The following AGBL1 variants were observed in gnomAD, a reference collection of about 807,000 sequenced individuals.
AGBL1 encodes cytosolic carboxypeptidase 4.
In AGBL1, 130 loss-of-function variants were observed where a neutral mutation model predicts 118.9. The ratio of observed to expected loss-of-function variants is 1.09; its 90% CI spans 0.95 to 1.26. AGBL1 has a LOEUF of 1.26. AGBL1 is among the 50% of genes most tolerant of loss of function. The pLI is 0.00. For missense variants in AGBL1, 1,584 were observed against 1,298.1 expected (o/e 1.22, Z -3.38); for synonymous variants, 555 against 478.9 (o/e 1.16, Z -2.08).
chr15:86,114,288 G>T (rs1386407063), intron 1 of AGBL1, among the ~76,000 whole-genome samples: 1 of 152,202 alleles, frequency 6.6e-6, no homozygotes, highest in Non-Finnish European at 1.5e-5. Flanking sequence ...TTGGACCCTT[G>T]GGGGAGGTGA....
intron 21 of AGBL1, among the ~76,000 whole-genome samples, chr15:86,556,466 C>G (rs1217958630): frequency 6.6e-6 from 1 of 152,216 alleles, no homozygotes; most frequent in Non-Finnish European, 1.5e-5. Context: ...TTTCCTCCTT[C>G]TCTTTGTTTT....
intron 1 of AGBL1, among the ~76,000 whole-genome samples, chr15:86,112,382 C>T (rs1897444890): frequency 6.6e-6 from 1 of 152,192 alleles, no homozygotes; most frequent in South Asian, 2.1e-4. Context: ...GCTACACATA[C>T]ATTTTTGTGT....
intron 18 of AGBL1, among the ~76,000 whole-genome samples, chr15:86,457,858 C>T (rs1472052231): frequency 2.0e-5 from 3 of 152,126 alleles, no homozygotes; most frequent in Admixed American, 6.5e-5. Context: ...CTCATAATTC[C>T]TCTAAGACCT....
chr15:86,245,013 A>T (rs1265942506), intron 6 of AGBL1, among the ~76,000 whole-genome samples: 1 of 152,298 alleles, frequency 6.6e-6, no homozygotes, highest in East Asian at 1.9e-4. Context: ...ACCCTCCACA[A>T]ATGTATCACC....
chr15:86,426,745 T>C (rs1423550008), intron 18 of AGBL1, among the ~76,000 whole-genome samples: 1 of 152,218 alleles, frequency 6.6e-6, no homozygotes, highest in Admixed American at 6.5e-5. Context: ...ATTTATTTTG[T>C]CCACTATGTT....
In AGBL1 at chr15:86,136,283, TA is replaced by T. The variant is rs549142327; in HGVS notation, c.52-5719del. On this transcript the variant is annotated intron_variant, in intron 1 of 22. Coordinates refer to ENST00000614907, the MANE Select transcript of AGBL1 (RefSeq NM_001386094.1). ...ACAATAGACAGTGAGAACAGAGATA[TA>T]AGAAAATAACCAGCATCAAGTAAGA... Among the ~76,000 whole-genome samples, 7 of 152,330 alleles carry T rather than the reference TA, an allele frequency of 4.6e-5. No homozygotes were observed. The East Asian group carries it at 1.3e-3, about 29-fold the overall frequency.
In AGBL1 at chr15:86,247,702, C is replaced by T. The variant is rs1283035468; in HGVS notation, c.558C>T (p.Gly186=). The change falls in exon 7 of 23, where the codon GGC becomes GGT. Residue 186 remains glycine, a synonymous_variant. Transcript: ENST00000614907. ...ACGGCCGCAGAGCAGTGAACCGAGG[C>T]TACGTCACCAGCCTGCTCGGGCTGC... ...KSNGRRAVNR[G]YVTSLLGLHQ... 1 of 1,611,910 alleles carries T rather than the reference C, an allele frequency of 6.2e-7. No homozygotes were observed. Among genetic ancestry groups the T allele is most frequent in the Non-Finnish European group, 8.5e-7 (1 of 1,179,030 alleles).
chr15:86,956,718 C>T (rs1249503122), intron 23 of AGBL1, among the ~76,000 whole-genome samples: 1 of 152,076 alleles, frequency 6.6e-6, no homozygotes, highest in Non-Finnish European at 1.5e-5. Context: ...CAATTGGTCA[C>T]CATTGTTTAA....
At chr15:86,473,745 GT>G (rs1567011991) in intron 18 of AGBL1, among the ~76,000 whole-genome samples, 1 of 152,102 alleles carries the variant, frequency 6.6e-6, no homozygotes, top group African/African-American at 2.4e-5. Context: ...TGACTATGCT[GT>G]TTTTGGAATT....
intron 10 of AGBL1, 113 bp from the exon 11 acceptor site, chr15:86,264,145 C>G: frequency 1.1e-6 from 1 of 902,014 alleles, no homozygotes; most frequent in Non-Finnish European, 1.7e-6. Context: ...AAAGCTTCCA[C>G]ATTCACAGGA....
At chr15:86,537,730 C>G (rs974826787) in intron 19 of AGBL1, among the ~76,000 whole-genome samples, 1 of 152,238 alleles carries the variant, frequency 6.6e-6, no homozygotes, top group Non-Finnish European at 1.5e-5. Flanking sequence ...ACATCACTTT[C>G]TAATGGGTCC....
intron 21 of AGBL1, among the ~76,000 whole-genome samples, chr15:86,601,632 C>T (rs1446810223): frequency 1.3e-5 from 2 of 152,072 alleles, no homozygotes; most frequent in African/African-American, 4.8e-5. Context: ...CCAATTAAGA[C>T]TTAAGAAGAA....
intron 22 of AGBL1, among the ~76,000 whole-genome samples, chr15:86,732,801 C>G (rs1255202456): frequency 1.3e-5 from 2 of 151,758 alleles, no homozygotes; most frequent in Non-Finnish European, 2.9e-5. Context: ...TAGCATCTGT[C>G]TCATATCCTC....
intron 22 of AGBL1, among the ~76,000 whole-genome samples, chr15:86,846,894 C>T (rs1005964240): frequency 1.3e-5 from 2 of 152,146 alleles, no homozygotes; most frequent in Admixed American, 6.5e-5. Context: ...CTTCTTCCTC[C>T]TTTATCTGAG....
intron 23 of AGBL1, among the ~76,000 whole-genome samples, chr15:86,936,234 GTA>G (rs1361788248): frequency 1.1e-4 from 11 of 100,750 alleles, no homozygotes; most frequent in African/African-American, 2.9e-4. Flanking sequence ...ACAGCAGTGT[GTA>G]TGTATGTGTG....
At chr15:86,362,645 T>C (rs985014851) in intron 17 of AGBL1, among the ~76,000 whole-genome samples, 4 of 152,112 alleles carry the variant, frequency 2.6e-5, no homozygotes, top group Non-Finnish European at 5.9e-5. Context: ...TAAGTCTCCA[T>C]AGCTGAGACT....
At chr15:86,370,293 C>T (rs2080952582) in intron 17 of AGBL1, among the ~76,000 whole-genome samples, 2 of 144,728 alleles carry the variant, frequency 1.4e-5, no homozygotes, top group African/African-American at 5.2e-5. Context: ...TTCCCACTGT[C>T]TCTATTCCTT....
chr15:86,598,333 T>C (rs1364777909), intron 21 of AGBL1, among the ~76,000 whole-genome samples: 2 of 152,160 alleles, frequency 1.3e-5, no homozygotes, highest in African/African-American at 4.8e-5. Context: ...TCACGTAAGA[T>C]GCTTTGGACC....
At chr15:86,650,189 C>T (rs4887495) in intron 21 of AGBL1, among the ~76,000 whole-genome samples, 35,314 of 152,106 alleles carry the variant, frequency 0.23, 4,721 homozygotes, top group East Asian at 0.41. Context: ...TCATTAGTAA[C>T]AGAATCCCTT....
Sources: allele counts gnomAD v4.1 joint callset (sites outside exome capture counted in the v4.1 genomes callset), GRCh38; gene constraint gnomAD v4.1.1; transcripts MANE v1.5; gene names NCBI Gene and HGNC (gene_info 2026-07-23, HGNC 2026-07-21).